The following P3H1 variants were observed in gnomAD, a reference collection of about 807,000 sequenced individuals.
The protein encoded by P3H1 is growth suppressor 1.
A neutral mutation model predicts 84.0 loss-of-function variants in P3H1; 69 were observed. That is an observed-to-expected ratio of 0.82 (90% CI 0.68 to 1.00). P3H1 has a LOEUF of 1.00. Ranked by LOEUF, P3H1 falls within the 50% of genes least tolerant of loss-of-function variation. P3H1 has a pLI of 0.00. For synonymous variants in P3H1, 366 were observed against 388.8 expected (o/e 0.94, Z 0.69); for missense variants, 878 against 962.8 (o/e 0.91, Z 1.17).
chr1:42,750,153 G>T (rs775348164), intron 11 of P3H1, 33 bp downstream of exon 11: 1 of 1,605,702 alleles, frequency 6.2e-7, no homozygotes, highest in Non-Finnish European at 8.5e-7. Context: ...TACAGCATGC[G>T]GGGGCGGGTG....
At chr1:42,759,414 A>C (rs767736169) in intron 2 of P3H1, 24 bp from the exon 3 acceptor site, 1 of 1,609,748 alleles carries the variant, frequency 6.2e-7, no homozygotes, top group South Asian at 1.1e-5. Flanking sequence ...GGAGCACTCA[A>C]ATGCAGGCCA....
chr1:42,750,322 G>A lies in P3H1; in HGVS notation c.1584C>T (p.Gly528=). ...VFKALKLGQE[G]KVPLQSAHLY... is the part of the protein sequence containing the mutation. ...GGTGGGCACTCTGCAGAGGAACTTTGCCTTCTTGCCCCAGCTGCCAAGGAG... is the reference window on the plus strand; with the variant it reads ...GGTGGGCACTCTGCAGAGGAACTTTACCTTCTTGCCCCAGCTGCCAAGGAG... The change falls in exon 11 of 15, where the codon GGC becomes GGT. Residue 528 remains glycine, a synonymous_variant. Transcript: ENST00000296388. The A allele has an allele frequency of 6.2e-7, 1 of 1,614,054 alleles. No individual in the cohort carries two copies. Among genetic ancestry groups the A allele is most frequent in the Non-Finnish European group, 8.5e-7 (1 of 1,180,000 alleles).
intron 1 of P3H1, 105 bp from the exon 2 acceptor site, chr1:42,762,580 C>A: frequency 1.6e-6 from 2 of 1,278,790 alleles, no homozygotes; most frequent in Non-Finnish European, 2.3e-6. Flanking sequence ...CCTCCCTGAG[C>A]CCTCCACTCA....
chr1:42,747,692 C>G (rs183611432), intron 13 of P3H1, 31 bp downstream of exon 13: 2 of 1,611,042 alleles, frequency 1.2e-6, no homozygotes, highest in East Asian at 2.2e-5. Context: ...GACTTTTTAT[C>G]TCCCAGGGAC....
chr1:42,758,100 A>G (rs1388172762), intron 4 of P3H1, among the ~76,000 whole-genome samples, 178 bp from the exon 5 acceptor site: 12 of 152,232 alleles, frequency 7.9e-5, no homozygotes, highest in Admixed American at 7.8e-4. Flanking sequence ...GTTAAGTAAT[A>G]CACATAGAAT....
At chr1:42,761,405 G>A (rs1652711843) in intron 2 of P3H1, 1 of 152,146 alleles carries the variant, frequency 6.6e-6, no homozygotes. Flanking sequence ...CAAATAGAAT[G>A]AGAACATTGA....
chr1:42,763,508 C>T (rs1403296577), intron 1 of P3H1, among the ~76,000 whole-genome samples: 1 of 151,230 alleles, frequency 6.6e-6, no homozygotes, highest in Non-Finnish European at 1.5e-5. Context: ...CCCGTCTCTA[C>T]TAAAAATACA....
At chr1:42,758,565 T>TA (rs1193667228) in intron 4 of P3H1, among the ~76,000 whole-genome samples, 1 of 152,244 alleles carries the variant, frequency 6.6e-6, no homozygotes. Flanking sequence ...GGCATACCCT[T>TA]ATTTTGCTAT....
chr1:42,747,474 G>A (rs1003448124), intron 13 of P3H1, 62 bp from the exon 14 acceptor site: 1 of 1,517,614 alleles, frequency 6.6e-7, no homozygotes, highest in African/African-American at 1.4e-5. Context: ...ACTCTCAGAA[G>A]AGACATGGGC....
rs1226770904 is a variant in P3H1 at position 42,747,303 on chromosome 1, C to A, written c.2024G>T (p.Trp675Leu). 1 of 1,613,150 alleles carries A rather than the reference C, an allele frequency of 6.2e-7. No homozygotes were observed. Among genetic ancestry groups the A allele is most frequent in the African/African-American group, 1.3e-5 (1 of 75,048 alleles). ...GCTGTGTCGAGGGTCCAGGGTGAAC[C>A]ACAGGGCGATGGCACAGCGCTGCCC... ...TRGQRCAIALWFTLDPRHSER... is the reference protein window; with the variant it reads ...TRGQRCAIALLFTLDPRHSER... The change falls in exon 14 of 15, where the codon TGG becomes TTG. Residue 675 changes from tryptophan (W) to leucine (L), a missense_variant. Trp to Leu is a moderately conservative substitution (Grantham distance 61, BLOSUM62 -2). Coordinates refer to ENST00000296388, the MANE Select transcript of P3H1 (RefSeq NM_022356.4).
chr1:42,757,561 A>G (rs982230702), intron 5 of P3H1, among the ~76,000 whole-genome samples: 1 of 152,220 alleles, frequency 6.6e-6, no homozygotes, highest in African/African-American at 2.4e-5. Flanking sequence ...TTCTGGGCCC[A>G]GATAACGCTA....
intron 1 of P3H1, among the ~76,000 whole-genome samples, chr1:42,763,672 C>CAAAAA (rs766034061): frequency 9.6e-5 from 4 of 41,524 alleles, no homozygotes; most frequent in Non-Finnish European, 1.6e-4. Context: ...ACTCTTGTCT[C>CAAAAA]AAAAAAAAAA....
At chr1:42,756,698 C>A (rs1421815099) in intron 5 of P3H1, among the ~76,000 whole-genome samples, 1 of 152,184 alleles carries the variant, frequency 6.6e-6, no homozygotes, top group Non-Finnish European at 1.5e-5. Context: ...ATGAAGCAAA[C>A]CCCACTTCCA....
chr1:42,755,966 G>A lies in P3H1; in HGVS notation c.1081-329C>T, dbSNP rs933003769. Among the ~76,000 whole-genome samples the A allele has an allele frequency of 5.9e-5, 9 of 152,208 alleles. No individual in the cohort carries two copies. In the East Asian group the frequency reaches 1.7e-3, roughly 29 times the overall value. Reference sequence around the variant, plus strand: ...AAAGTGGAAATATTCTTCAAAGAAGGAGAATTCCTTCTTGACTTCTACAGG... The same window carrying A: ...AAAGTGGAAATATTCTTCAAAGAAGAAGAATTCCTTCTTGACTTCTACAGG... On this transcript the variant is annotated intron_variant, in intron 5 of 14. Transcript: ENST00000296388.
At chr1:42,750,503 T>A (rs2124095145) in intron 10 of P3H1, among the ~76,000 whole-genome samples, 167 bp from the exon 11 acceptor site, 1 of 152,338 alleles carries the variant, frequency 6.6e-6, no homozygotes, top group African/African-American at 2.4e-5. Flanking sequence ...GCTGTTCTCA[T>A]AATACTGAAT....
intron 8 of P3H1, among the ~76,000 whole-genome samples, chr1:42,752,950 G>A (rs1441782247): frequency 6.6e-6 from 1 of 152,104 alleles, no homozygotes; most frequent in Admixed American, 6.5e-5. Flanking sequence ...CATGAGCTCG[G>A]GAACGAGGAA....
At chr1:42,756,116 AGAG>A (rs1384952267) in intron 5 of P3H1, among the ~76,000 whole-genome samples, 10 of 152,234 alleles carry the variant, frequency 6.6e-5, no homozygotes, top group East Asian at 1.9e-4. Context: ...TCTGAGGCAC[AGAG>A]GAGATGTACC....
chr1:42,754,078 A>G lies in P3H1; in HGVS notation c.1345+791T>C, dbSNP rs1259633838. On this transcript the variant is annotated intron_variant, in intron 8 of 14. Coordinates refer to ENST00000296388, the MANE Select transcript of P3H1 (RefSeq NM_022356.4). This position sits in a 1 kb window ranked among gnomAD's most constrained non-coding sequence, Gnocchi z 4.0. ...ACAAAGTGCAGTCCTGTGTGAAGAG[A>G]CGGTGTAAACAGGACAAGAGTAGAA... Among the ~76,000 whole-genome samples, 1 of 152,204 alleles carries G rather than the reference A, an allele frequency of 6.6e-6. No homozygotes were observed. Among genetic ancestry groups the G allele is most frequent in the East Asian group, 1.9e-4 (1 of 5,196 alleles).
Position 42,752,661 on chromosome 1 carries a change from C to A in P3H1, c.1349G>T (p.Gly450Val). Residue 450 changes from glycine to valine, a missense_variant, in exon 9 of 15, where the codon GGC becomes GTC. Coordinates refer to ENST00000296388, the MANE Select transcript of P3H1 (RefSeq NM_022356.4). Reference sequence around the variant, plus strand: ...ACTGATGCCTTCATACAGCAGGGGGCCACCTGCAAAGCAATGACAAAACTC... The same window carrying A: ...ACTGATGCCTTCATACAGCAGGGGGACACCTGCAAAGCAATGACAAAACTC... ...LDVSRLTREG[G>V]PLLYEGISLT... 6.2e-7 allele frequency: 1 copy of A among 1,614,186 alleles called. No individual in the cohort carries two copies. Among genetic ancestry groups the A allele is most frequent in the Non-Finnish European group, 8.5e-7 (1 of 1,180,036 alleles).
Sources: allele counts gnomAD v4.1 joint callset (sites outside exome capture counted in the v4.1 genomes callset), GRCh38; gene constraint gnomAD v4.1.1; non-coding constraint Gnocchi (gnomAD v3.1); transcripts MANE v1.5; gene names NCBI Gene and HGNC (gene_info 2026-07-23, HGNC 2026-07-21).